The following DYNC2H1 variants were observed in gnomAD, a reference collection of about 807,000 sequenced individuals.
The protein encoded by DYNC2H1 is cytoplasmic dynein 2 heavy chain 1.
DYNC2H1 carries 410 observed loss-of-function variants against 570.0 expected under a neutral mutation model. That is an observed-to-expected ratio of 0.72 (90% CI 0.66 to 0.78). The LOEUF (loss-of-function observed/expected upper bound fraction) is 0.78. Ranked by LOEUF, DYNC2H1 falls within the 30% of genes least tolerant of loss-of-function variation. DYNC2H1 has a pLI of 0.00. For synonymous variants in DYNC2H1, 1,688 were observed against 1,677.6 expected (o/e 1.01, Z -0.15); for missense variants, 4,865 against 5,046.4 (o/e 0.96, Z 1.09).
At position 103,203,736 on chromosome 11, in the gene DYNC2H1, A is replaced by C. The variant is rs183652156; in HGVS notation, c.8271A>C (p.Gln2757His). Residue 2757 changes from glutamine to histidine, a missense_variant, in exon 51 of 89, where the codon CAA becomes CAC. Coordinates refer to ENST00000375735, the MANE Select transcript of DYNC2H1 (RefSeq NM_001377.3). This position sits in a 1 kb window ranked among gnomAD's most constrained non-coding sequence, Gnocchi z 4.7. ...LLLPLKDQAS[Q>H]DGFFGPVFNY... is the part of the protein sequence containing the mutation. ...TACCACTTAAGGATCAAGCTTCACA[A>C]GATGGTTTTTTTGGACCAGTCTTCA... 6.2e-7 allele frequency: 1 copy of C among 1,612,300 alleles called. No homozygotes were observed. Among genetic ancestry groups the C allele is most frequent in the Middle Eastern group, 1.7e-4 (1 of 6,046 alleles).
chr11:103,273,019 G>T (rs1046151849), intron 70 of DYNC2H1, among the ~76,000 whole-genome samples: 2 of 151,762 alleles, frequency 1.3e-5, no homozygotes, highest in Non-Finnish European at 2.9e-5. Flanking sequence ...AAAAATAGAT[G>T]AAGGATTTTA....
At chr11:103,176,864 C>T (rs1303212226) in intron 37 of DYNC2H1, among the ~76,000 whole-genome samples, 4 of 152,036 alleles carry the variant, frequency 2.6e-5, no homozygotes, top group African/African-American at 9.7e-5. Context: ...CACCACCACA[C>T]CTGGCTAATT....
At position 103,309,168 on chromosome 11, in the gene DYNC2H1, A is replaced by ATTTTTTTTTTTT. The variant is rs386374721; in HGVS notation, c.11493+1350_11493+1361dup. Among the ~76,000 whole-genome samples, 56 of 54,644 alleles carry ATTTTTTTTTTTT rather than the reference A, an allele frequency of 1.0e-3. 11 individuals carry two copies. Among genetic ancestry groups the ATTTTTTTTTTTT allele is most frequent in the Non-Finnish European group, 1.4e-3 (42 of 29,370 alleles). The allele number at this position is 54,644 out of a possible 152,430, so 35.8% of individuals were successfully genotyped here. On this transcript the variant is annotated intron_variant, in intron 78 of 88. Transcript: ENST00000375735. ...TTATTAGTGTTTGTAACTGCATGCT[A>ATTTTTTTTTTTT]TTTTTTTTTTTTTTTTTTTTTTTTG...
intron 84 of DYNC2H1, among the ~76,000 whole-genome samples, chr11:103,418,094 CTA>C (rs1214423214): frequency 6.6e-6 from 1 of 151,766 alleles, no homozygotes; most frequent in Non-Finnish European, 1.5e-5. Flanking sequence ...CAGTAAAAGA[CTA>C]TATGCTTTCC....
chr11:103,392,524 T>C (rs1369487280), intron 83 of DYNC2H1, among the ~76,000 whole-genome samples: 1 of 152,242 alleles, frequency 6.6e-6, no homozygotes, highest in Non-Finnish European at 1.5e-5. Context: ...CGCAGTGAGA[T>C]GAACCCGGTA....
At chr11:103,212,125 A>T (rs1379744322) in intron 54 of DYNC2H1, among the ~76,000 whole-genome samples, 182 bp downstream of exon 54, 1 of 151,822 alleles carries the variant, frequency 6.6e-6, no homozygotes, top group African/African-American at 2.4e-5. Flanking sequence ...GATGATTTGT[A>T]TTTTTTTTAA....
intron 75 of DYNC2H1, among the ~76,000 whole-genome samples, chr11:103,298,370 T>G (rs12271010): frequency 0.17 from 25,115 of 152,062 alleles, 2,257 homozygotes; most frequent in Admixed American, 0.25. Flanking sequence ...TTAATATACG[T>G]TTTTTGTGCC....
Position 103,245,245 on chromosome 11 carries a change from A to C in DYNC2H1, c.9919-6A>C. On this transcript the variant is annotated splice_region_variant and splice_polypyrimidine_tract_variant and intron_variant, in intron 64 of 88. Transcript: ENST00000375735. The surrounding 1 kb of genome is among the most constrained non-coding windows in gnomAD (Gnocchi z 4.5). ...AATTAATACGTATTCTTTTTTATTC[A>C]ATTAGGATAGTAACTTTATCACAGC... 1 of 1,520,796 alleles carries C rather than the reference A, an allele frequency of 6.6e-7. No homozygotes were observed. Among genetic ancestry groups the C allele is most frequent in the South Asian group, 1.3e-5 (1 of 78,274 alleles). 94.2% of individuals were successfully genotyped at this position (1,520,796 alleles called of 1,614,324 possible).
At chr11:103,400,496 A>G (rs1473358375) in intron 84 of DYNC2H1, among the ~76,000 whole-genome samples, 8 of 152,210 alleles carry the variant, frequency 5.3e-5, no homozygotes, top group Admixed American at 5.2e-4. Flanking sequence ...AAATTGGACC[A>G]TTTTAAATGA....
At chr11:103,172,022 A>G (rs540917369) in intron 34 of DYNC2H1, among the ~76,000 whole-genome samples, 123 of 152,332 alleles carry the variant, frequency 8.1e-4, no homozygotes, top group African/African-American at 2.9e-3. Flanking sequence ...ATTGCTGAAT[A>G]CAGGAAGTTG....
chr11:103,205,011 G>T lies in DYNC2H1; in HGVS notation c.8454+47G>T. ...AAATTTAAAAGCACATTTTATTTTT[G>T]AAGTTATTGATTTTCACAACTTCTC... is the stretch of plus-strand genomic sequence containing the variant. On this transcript the variant is annotated intron_variant, in intron 52 of 88. Coordinates refer to ENST00000375735, the MANE Select transcript of DYNC2H1 (RefSeq NM_001377.3). This position sits in a 1 kb window ranked among gnomAD's most constrained non-coding sequence, Gnocchi z 4.5. 1 of 1,512,186 alleles carries T rather than the reference G, an allele frequency of 6.6e-7. No homozygotes were observed. The highest frequency in any genetic ancestry group is 1.3e-5 in the South Asian group (1 of 78,820). 93.7% of individuals were successfully genotyped at this position (1,512,186 alleles called of 1,614,324 possible).
In DYNC2H1 at chr11:103,143,366, A is replaced by C; in HGVS notation, c.2673A>C (p.Ile891=). ...DWEKNFKALK[I]KGKEVERLPS... is the part of the protein sequence containing the mutation. ...AGAAAAATTTTAAAGCATTAAAAAT[A>C]AAGGGGAAAGAAGTAGAACGACTTC... Residue 891 remains isoleucine (I), a synonymous_variant, in exon 18 of 89, where the codon ATA becomes ATC. Coordinates refer to ENST00000375735, the MANE Select transcript of DYNC2H1 (RefSeq NM_001377.3). 1 of 1,612,232 alleles carries C rather than the reference A, an allele frequency of 6.2e-7. No individual in the cohort carries two copies. The highest frequency in any genetic ancestry group is 8.5e-7 in the Non-Finnish European group (1 of 1,179,290).
At chr11:103,312,556 A>G (rs867451373) in intron 79 of DYNC2H1, among the ~76,000 whole-genome samples, 1 of 133,712 alleles carries the variant, frequency 7.5e-6, no homozygotes, top group African/African-American at 2.8e-5. Context: ...AAAAAAAAAA[A>G]AAAAAAAAAA....
chr11:103,274,586 T>G (rs897832681), intron 70 of DYNC2H1, among the ~76,000 whole-genome samples: 1 of 152,184 alleles, frequency 6.6e-6, no homozygotes, highest in Non-Finnish European at 1.5e-5. Flanking sequence ...CAGCTCATCA[T>G]TATTTAACTA....
chr11:103,230,513 G>T (rs547176381), intron 59 of DYNC2H1, among the ~76,000 whole-genome samples: 10 of 152,198 alleles, frequency 6.6e-5, no homozygotes, highest in African/African-American at 2.4e-4. Context: ...CAGCATTCTG[G>T]GTTTTATTAG....
chr11:103,166,390 C>T (rs1861304492), intron 31 of DYNC2H1, among the ~76,000 whole-genome samples: 1 of 152,070 alleles, frequency 6.6e-6, no homozygotes, highest in African/African-American at 2.4e-5. Context: ...GGAGAACAAT[C>T]TTTTATATAT....
intron 31 of DYNC2H1, among the ~76,000 whole-genome samples, chr11:103,167,149 T>C (rs1861354803): frequency 6.6e-6 from 1 of 152,016 alleles, no homozygotes; most frequent in Admixed American, 6.6e-5. Context: ...AAAATTTCTA[T>C]TTATTTATAT....
chr11:103,224,031 C>T (rs1222898584), intron 59 of DYNC2H1, among the ~76,000 whole-genome samples: 1 of 152,062 alleles, frequency 6.6e-6, no homozygotes, highest in Non-Finnish European at 1.5e-5. Context: ...CAGGCATAAG[C>T]CACCGTGCCT....
In DYNC2H1 at chr11:103,283,103, T is replaced by A. The variant is rs756035016; in HGVS notation, c.10890+18T>A. The A allele has an allele frequency of 1.3e-6, 2 of 1,582,920 alleles. No individual in the cohort carries two copies. Among genetic ancestry groups the A allele is most frequent in the South Asian group, 1.1e-5 (1 of 87,740 alleles). On this transcript the variant is annotated intron_variant, in intron 73 of 88. Coordinates refer to ENST00000375735, the MANE Select transcript of DYNC2H1 (RefSeq NM_001377.3). ...CATTAAAGGTATTCCTTTTCTACTA[T>A]GAGACATGTTTTAATTTCTTCTGTA...
Sources: gnomAD v4.1 joint callset for allele counts (sites outside exome capture counted in the v4.1 genomes callset) on GRCh38, gnomAD v4.1.1 for gene constraint, Gnocchi (gnomAD v3.1) non-coding constraint, MANE v1.5 for transcripts, NCBI Gene and HGNC (gene_info 2026-07-23, HGNC 2026-07-21) for gene names.